Variants in DENND4A observed in about 807,000 individuals in gnomAD.
The protein encoded by DENND4A is DENN domain containing 4A.
In DENND4A, 70 loss-of-function variants were observed where a neutral mutation model predicts 199.3. The observed-to-expected ratio is 0.35, with a 90% CI of 0.29 to 0.43. DENND4A has a LOEUF of 0.43. Ranked by LOEUF, DENND4A falls within the 20% of genes least tolerant of loss-of-function variation. DENND4A has a pLI of 1.00. For synonymous variants in DENND4A, 686 were observed against 766.9 expected (o/e 0.89, Z 1.74); for missense variants, 1,723 against 2,255.8 (o/e 0.76, Z 4.78).
At chr15:65,762,076 C>T (rs1385488923) in intron 1 of DENND4A, among the ~76,000 whole-genome samples, 1 of 152,122 alleles carries the variant, frequency 6.6e-6, no homozygotes, top group Non-Finnish European at 1.5e-5. Flanking sequence ...GGCTCGATCT[C>T]GGCTCACCGC....
At chr15:65,681,917 C>A (rs2076591021) in intron 23 of DENND4A, among the ~76,000 whole-genome samples, 1 of 152,150 alleles carries the variant, frequency 6.6e-6, no homozygotes, top group African/African-American at 2.4e-5. Context: ...TGTCAATGAG[C>A]AGTAATATTT....
chr15:65,727,685 T>A (rs1026368528), intron 11 of DENND4A: 1 of 180,680 alleles, frequency 5.5e-6, no homozygotes, highest in African/African-American at 2.4e-5. Context: ...CTGTACCAGC[T>A]TTTGGGCTTT....
In DENND4A at chr15:65,691,068, C is replaced by T. The variant is rs1314470293; in HGVS notation, c.3526G>A (p.Val1176Ile). The change falls in exon 23 of 33, where the codon GTA becomes ATA. Residue 1176 changes from valine to isoleucine, a missense_variant. Val to Ile is a conservative substitution (Grantham distance 29). Transcript: ENST00000443035. ...DLEDLDSETD[V>I]SKAGCVATQN... ...GTAGCAACACATCCTGCTTTTGATA[C>T]ATCTGTTTCACTGTCTAAGTCTTCT... 5 of 1,612,906 alleles carry T rather than the reference C, an allele frequency of 3.1e-6. No homozygotes were observed. Among genetic ancestry groups the T allele is most frequent in the African/African-American group, 1.3e-5 (1 of 74,904 alleles).
intron 23 of DENND4A, among the ~76,000 whole-genome samples, chr15:65,684,120 C>A (rs1485578056): frequency 6.6e-6 from 1 of 152,142 alleles, no homozygotes; most frequent in East Asian, 1.9e-4. Context: ...ACCTATTTTC[C>A]AGTTGACGGA....
chr15:65,777,656 A>T (rs2077318898), intron 1 of DENND4A, among the ~76,000 whole-genome samples: 1 of 152,128 alleles, frequency 6.6e-6, no homozygotes, highest in Admixed American at 6.6e-5. Flanking sequence ...CCGGGCCACA[A>T]ACAAAAAAAT....
chr15:65,663,176 GTATATA>G (rs376016019), intron 32 of DENND4A, among the ~76,000 whole-genome samples: 4 of 128,684 alleles, frequency 3.1e-5, no homozygotes, highest in South Asian at 2.4e-4. Flanking sequence ...GTGTGTGTGT[GTATATA>G]TATATATATA....
chr15:65,697,523 T>A, intron 20 of DENND4A, 140 bp from the exon 21 acceptor site: 2 of 592,194 alleles, frequency 3.4e-6, no homozygotes, highest in Non-Finnish European at 5.8e-6. Flanking sequence ...ATTATTTTGT[T>A]AGCTACCCTT....
intron 1 of DENND4A, among the ~76,000 whole-genome samples, chr15:65,762,484 C>T (rs922508363): frequency 5.3e-5 from 8 of 151,842 alleles, no homozygotes; most frequent in African/African-American, 1.9e-4. Context: ...AAAGTTAGTG[C>T]CAGGCAGGGT....
chr15:65,676,141 AATATATAT>A (rs57613461), intron 24 of DENND4A, among the ~76,000 whole-genome samples: 73 of 110,466 alleles, frequency 6.6e-4, no homozygotes, highest in East Asian at 2.4e-3. Context: ...AATAAGGAAA[AATATATAT>A]ATATATATAT....
In DENND4A at chr15:65,716,166, A is replaced by C. The variant is rs1041974723; in HGVS notation, c.1808-543T>G. Among the ~76,000 whole-genome samples, 10 of 152,082 alleles carry C rather than the reference A, an allele frequency of 6.6e-5. No individual in the cohort carries two copies. In the East Asian group the frequency reaches 1.5e-3, roughly 23 times the overall value. ...CTCTTTCCAGTCTCAGGGACTGTGTAAACTGTTCTCTCTGCGTAAAACACT... is the reference window on the plus strand; with the variant it reads ...CTCTTTCCAGTCTCAGGGACTGTGTCAACTGTTCTCTCTGCGTAAAACACT... On this transcript the variant is annotated intron_variant, in intron 13 of 32. Transcript: ENST00000443035.
intron 8 of DENND4A, 112 bp from the exon 9 acceptor site, chr15:65,731,812 C>T (rs1479568401): frequency 2.2e-5 from 16 of 715,066 alleles, no homozygotes; most frequent in Non-Finnish European, 3.2e-5. Context: ...TTCAGTATAT[C>T]CATTTACCAG....
At chr15:65,788,765 G>A (rs2077634828) in intron 1 of DENND4A, among the ~76,000 whole-genome samples, 1 of 150,814 alleles carries the variant, frequency 6.6e-6, no homozygotes, top group Non-Finnish European at 1.5e-5. Context: ...CAAGGTGGGA[G>A]GATGGCTTGA....
intron 1 of DENND4A, among the ~76,000 whole-genome samples, chr15:65,769,628 A>G (rs2140868845): frequency 6.6e-6 from 1 of 152,320 alleles, no homozygotes; most frequent in South Asian, 2.1e-4. Flanking sequence ...CGTCATTTTA[A>G]AAAACCAGAA....
chr15:65,761,721 T>C (rs948139840), intron 1 of DENND4A, among the ~76,000 whole-genome samples: 1 of 150,916 alleles, frequency 6.6e-6, no homozygotes, highest in African/African-American at 2.4e-5. Context: ...GAAGAATAAA[T>C]AAGGGTACAA....
intron 1 of DENND4A, among the ~76,000 whole-genome samples, chr15:65,762,610 C>G (rs1026995985): frequency 1.3e-5 from 2 of 152,098 alleles, no homozygotes; most frequent in African/African-American, 4.8e-5. Context: ...GCCTGGGTAA[C>G]AGAGTAAAGC....
At chr15:65,727,868 T>C (rs1160263578) in intron 11 of DENND4A, 2 of 380,892 alleles carry the variant, frequency 5.3e-6, no homozygotes, top group Non-Finnish European at 1.0e-5. Flanking sequence ...ATAACTTACA[T>C]ATAAATTCAG....
In DENND4A at chr15:65,661,763, T is replaced by C. The variant is rs1057160016; in HGVS notation, c.*88A>G. Reference sequence around the variant, plus strand: ...CATTTACAAATTGTATTTTCAAAAATTGAAGAAAAAATATTTAGAGTCTAA... The same window carrying C: ...CATTTACAAATTGTATTTTCAAAAACTGAAGAAAAAATATTTAGAGTCTAA... On this transcript the variant is annotated 3_prime_UTR_variant, in exon 33 of 33. Transcript: ENST00000443035. 14 of 1,198,670 alleles carry C rather than the reference T, an allele frequency of 1.2e-5. No homozygotes were observed. The highest frequency in any genetic ancestry group is 6.1e-5 in the African/African-American group (4 of 65,270). 74.3% of individuals were successfully genotyped at this position (1,198,670 alleles called of 1,614,324 possible). A position where few individuals can be genotyped will look rare whatever the true frequency, so the allele number is the denominator to read the frequency against.
Position 65,736,413 on chromosome 15 carries a change from C to T in DENND4A, c.1040+1294G>A, listed in dbSNP as rs137995146. ...TAGATGAGATTACAGGTGCCCACAA[C>T]CACAGCTGGCTTTTGTATTTTTTTT... is the stretch of plus-strand genomic sequence containing the variant. On this transcript the variant is annotated intron_variant, in intron 7 of 32. Coordinates refer to ENST00000443035, the MANE Select transcript of DENND4A (RefSeq NM_001320835.1). 1.6e-4 allele frequency among the ~76,000 whole-genome samples: 24 copies of T among 150,202 alleles called. No individual in the cohort carries two copies. In the East Asian group the frequency reaches 4.1e-3, roughly 25 times the overall value.
At chr15:65,769,410 TACA>T (rs1206981503) in intron 1 of DENND4A, among the ~76,000 whole-genome samples, 2 of 152,242 alleles carry the variant, frequency 1.3e-5, no homozygotes, top group African/African-American at 4.8e-5. Flanking sequence ...CATTGCTGAA[TACA>T]ACTATATGAA....
Sources: allele counts gnomAD v4.1 joint callset (sites outside exome capture counted in the v4.1 genomes callset), GRCh38; gene constraint gnomAD v4.1.1; transcripts MANE v1.5; gene names NCBI Gene and HGNC (gene_info 2026-07-23, HGNC 2026-07-21).